Variants in CELF2 observed in about 807,000 individuals in gnomAD.
CELF2 encodes CUGBP Elav-like family member 2, also known as CUG triplet repeat RNA-binding protein 2.
CELF2 carries 8 observed loss-of-function variants against 62.6 expected under a neutral mutation model. The observed-to-expected ratio is 0.13, with a 90% CI of 0.07 to 0.23. The LOEUF (loss-of-function observed/expected upper bound fraction) is 0.23. Among genes scored for constraint, CELF2 ranks in the 10% least tolerant of loss-of-function variants. CELF2 has a pLI of 1.00. For synonymous variants in CELF2, 258 were observed against 250.0 expected, an observed-to-expected ratio of 1.03 and a Z score of -0.30; for missense variants, 333 against 671.0, an observed-to-expected ratio of 0.50 and a Z score of 5.56.
In CELF2 at chr10:10,877,299, GA is replaced by G. The variant is rs2061163146; in HGVS notation, c.54-42664del. Among the ~76,000 whole-genome samples, 3 of 152,242 alleles carry G rather than the reference GA, an allele frequency of 2.0e-5. No homozygotes were observed. The South Asian group carries it at 6.2e-4, about 31-fold the overall frequency. On this transcript the variant is annotated intron_variant, in intron 1 of 13. Transcript: ENST00000636488. Reference sequence around the variant, plus strand: ...CCGTGACACAGCCTCAGGAGATCCTGATGACATGTGCCCAAGGTGATCAGAG... The same window carrying G: ...CCGTGACACAGCCTCAGGAGATCCTGTGACATGTGCCCAAGGTGATCAGAG...
At chr10:10,546,193 T>C in the CELF2 span, among the ~76,000 whole-genome samples, 1 of 152,338 alleles carries the variant, frequency 6.6e-6, no homozygotes, top group African/African-American at 2.4e-5. Flanking sequence ...CAATCAACAC[T>C]GAAACCCTGC....
chr10:10,779,179 T>A, the CELF2 span, among the ~76,000 whole-genome samples: 2 of 152,208 alleles, frequency 1.3e-5, no homozygotes, highest in African/African-American at 4.8e-5. Context: ...ACAGACTGTG[T>A]TCATTTGACC....
rs1050551314 is a variant in CELF2 at position 11,311,246 on chromosome 10, C to A, written c.977-2893C>A. On this transcript the variant is annotated intron_variant, in intron 9 of 12. Transcript: ENST00000633077. The surrounding 1 kb of genome is among the most constrained non-coding windows in gnomAD (Gnocchi z 4.7). ...ATTCATAACAATAAACCATCCCTCA[C>A]GTGAGTTTACAACCCAGTTTGATTG... 6.6e-6 allele frequency among the ~76,000 whole-genome samples: 1 copy of A among 152,204 alleles called. No homozygotes were observed. Among genetic ancestry groups the A allele is most frequent in the African/African-American group, 2.4e-5 (1 of 41,444 alleles).
chr10:10,535,683 C>T, the CELF2 span, among the ~76,000 whole-genome samples: 2 of 152,126 alleles, frequency 1.3e-5, no homozygotes, highest in Non-Finnish European at 2.9e-5. Flanking sequence ...AGCGCCACTG[C>T]ACTCCAGCCT....
chr10:10,723,977 G>T, the CELF2 span, among the ~76,000 whole-genome samples: 4 of 151,996 alleles, frequency 2.6e-5, no homozygotes, highest in African/African-American at 9.7e-5. Context: ...ATATCAATAC[G>T]TTAAAGCACT....
the CELF2 span, among the ~76,000 whole-genome samples, chr10:10,678,607 C>T: frequency 6.6e-6 from 1 of 152,116 alleles, no homozygotes; most frequent in Non-Finnish European, 1.5e-5. Flanking sequence ...GCAATGACGG[C>T]CAAAAGGCCA....
At chr10:10,632,644 A>G in the CELF2 span, among the ~76,000 whole-genome samples, 1 of 152,042 alleles carries the variant, frequency 6.6e-6, no homozygotes, top group African/African-American at 2.4e-5. Flanking sequence ...ATAACATCTC[A>G]AAATCTTCTT....
chr10:10,616,295 G>GGGGT, the CELF2 span, among the ~76,000 whole-genome samples: 52 of 143,958 alleles, frequency 3.6e-4, no homozygotes, highest in Non-Finnish European at 4.6e-4. Context: ...TTTTGTTTGG[G>GGGGT]GTGTGTGTGT....
the CELF2 span, among the ~76,000 whole-genome samples, chr10:10,625,830 C>T: frequency 0.031 from 4,744 of 152,262 alleles, 240 homozygotes; most frequent in African/African-American, 0.11. Context: ...AGTGTTTGGG[C>T]CTCTATGCAC....
chr10:11,107,118 G>A (rs1289313431), intron 1 of CELF2, among the ~76,000 whole-genome samples: 2 of 152,182 alleles, frequency 1.3e-5, no homozygotes, highest in South Asian at 2.1e-4. Context: ...TTTCCTCAGC[G>A]GCTCAGGAGG....
the CELF2 span, among the ~76,000 whole-genome samples, chr10:10,553,623 A>C: frequency 1.3e-5 from 2 of 152,168 alleles, no homozygotes; most frequent in East Asian, 3.9e-4. Context: ...TTCCAGGATG[A>C]GATGAGAGAG....
At chr10:11,030,107 G>A (rs4747889) in intron 1 of CELF2, among the ~76,000 whole-genome samples, 50,306 of 152,040 alleles carry the variant, frequency 0.33, 9,708 homozygotes, top group Non-Finnish European at 0.45. Flanking sequence ...CCAATCATAC[G>A]CTGCTTTTTG....
chr10:11,236,865 T>C (rs1400400978), intron 3 of CELF2, among the ~76,000 whole-genome samples: 1 of 152,186 alleles, frequency 6.6e-6, no homozygotes, highest in Non-Finnish European at 1.5e-5. Context: ...CAGAAGTTCA[T>C]GGAATAGGGG....
At chr10:10,624,224 T>C in the CELF2 span, among the ~76,000 whole-genome samples, 1 of 152,254 alleles carries the variant, frequency 6.6e-6, no homozygotes, top group Non-Finnish European at 1.5e-5. Context: ...ACATGGATCA[T>C]AGCTGAGCTT....
the CELF2 span, among the ~76,000 whole-genome samples, chr10:10,739,449 T>A: frequency 6.6e-6 from 1 of 152,212 alleles, no homozygotes; most frequent in South Asian, 2.1e-4. Context: ...GGCATTTTAA[T>A]TTTGAAATAA....
At chr10:10,980,821 A>T (rs552901980) in intron 2 of CELF2, among the ~76,000 whole-genome samples, 1 of 151,766 alleles carries the variant, frequency 6.6e-6, no homozygotes, top group East Asian at 1.9e-4. Context: ...GGGCCTTCCT[A>T]TGTTTCTCTG....
chr10:11,021,559 C>G (rs1247769639), intron 1 of CELF2, among the ~76,000 whole-genome samples: 7 of 152,138 alleles, frequency 4.6e-5, no homozygotes, highest in South Asian at 4.2e-4. Flanking sequence ...CTGCCTCCCC[C>G]CAAAATAAGG....
chr10:10,998,389 G>A (rs934579092), intron 2 of CELF2, among the ~76,000 whole-genome samples: 4 of 152,158 alleles, frequency 2.6e-5, no homozygotes, highest in African/African-American at 9.7e-5. Flanking sequence ...TCATAACTTA[G>A]TTATGTGCTT....
chr10:10,630,308 C>T, the CELF2 span, among the ~76,000 whole-genome samples: 1 of 152,180 alleles, frequency 6.6e-6, no homozygotes, highest in African/African-American at 2.4e-5. Context: ...TGAAGACCGT[C>T]CAACAGTCCA....
Sources: gnomAD v4.1 joint callset for allele counts (sites outside exome capture counted in the v4.1 genomes callset) on GRCh38, gnomAD v4.1.1 for gene constraint, Gnocchi (gnomAD v3.1) non-coding constraint, MANE v1.5 for transcripts, NCBI Gene and HGNC (gene_info 2026-07-23, HGNC 2026-07-21) for gene names.